Variants in ASTN2 observed in about 807,000 individuals in gnomAD.
The protein encoded by ASTN2 is astrotactin 2, also known as astrotactin-2.
ASTN2 carries 54 observed loss-of-function variants against 139.8 expected under a neutral mutation model. The ratio of observed to expected loss-of-function variants is 0.39; its 90% CI spans 0.31 to 0.48. The LOEUF (loss-of-function observed/expected upper bound fraction) is 0.48. ASTN2 is among the 20% of genes least tolerant of loss of function. The probability of loss-of-function intolerance (pLI) is 0.95; values close to 1 mark genes in which losing one functional copy is unlikely to be tolerated. For synonymous variants in ASTN2, 756 were observed against 719.5 expected, an observed-to-expected ratio of 1.05 and a Z score of -0.81; for missense variants, 1,565 against 1,725.1, an observed-to-expected ratio of 0.91 and a Z score of 1.64.
chr9:117,214,538 C>G lies in ASTN2; in HGVS notation c.835G>C (p.Val279Leu). Reference sequence around the variant, plus strand: ...GTCTCCCGGATGGGCACGCCAATGACGGAATTGTGGGTTTGCAGCCGGGAT... The same window carrying G: ...GTCTCCCGGATGGGCACGCCAATGAGGGAATTGTGGGTTTGCAGCCGGGAT... Reference protein sequence around the residue: ...RSSRLQTHNSVIGVPIRETPI... With the variant: ...RSSRLQTHNSLIGVPIRETPI... Residue 279 changes from valine to leucine, a missense_variant, in exon 3 of 23, where the codon GTC becomes CTC. Val to Leu is a conservative substitution (Grantham distance 32, BLOSUM62 1). Coordinates refer to ENST00000313400, the MANE Select transcript of ASTN2 (RefSeq NM_001365068.1). The G allele has an allele frequency of 1.2e-6, 2 of 1,613,742 alleles. No individual in the cohort carries two copies. The highest frequency in any genetic ancestry group is 1.7e-6 in the Non-Finnish European group (2 of 1,179,634).
intron 2 of ASTN2, among the ~76,000 whole-genome samples, chr9:117,284,296 G>T (rs966464382): frequency 9.2e-5 from 14 of 152,048 alleles, no homozygotes; most frequent in African/African-American, 3.4e-4. Flanking sequence ...CTATAGACAG[G>T]GTTTCACCAT....
rs773911535 is a variant in ASTN2 at position 116,698,270 on chromosome 9, C to CTGT, written c.2806+27500_2806+27501insACA. 6.2e-7 allele frequency: 1 copy of CTGT among 1,614,070 alleles called. No homozygotes were observed. Among genetic ancestry groups the CTGT allele is most frequent in the Admixed American group, 1.7e-5 (1 of 60,018 alleles). ...CAGCCTTGGAAGGTGTCTCCAAGGA[C>CTGT]CTTCAGGCAAGGTATAAAGCAGTTC... is the stretch of plus-strand genomic sequence containing the variant. On this transcript the variant is annotated intron_variant, in intron 16 of 22. Transcript: ENST00000313400. The surrounding 1 kb of genome is among the most constrained non-coding windows in gnomAD (Gnocchi z 4.4).
intron 16 of ASTN2, among the ~76,000 whole-genome samples, chr9:116,707,564 G>A (rs1828026158): frequency 6.6e-6 from 1 of 151,344 alleles, no homozygotes; most frequent in Non-Finnish European, 1.5e-5. Flanking sequence ...GCCACCAAAA[G>A]GAAAATAAAA....
chr9:116,923,917 T>A (rs574287921), intron 10 of ASTN2, among the ~76,000 whole-genome samples: 32 of 152,258 alleles, frequency 2.1e-4, no homozygotes, highest in Admixed American at 2.0e-3. Context: ...TAGATCTGTC[T>A]CTCCAGAAGC....
chr9:116,690,062 G>C (rs896882217), intron 16 of ASTN2, among the ~76,000 whole-genome samples: 2 of 152,176 alleles, frequency 1.3e-5, no homozygotes. Flanking sequence ...GTGTCTGACA[G>C]CAAGACTTAG....
chr9:116,964,216 G>GGGGTGTGTGT (rs1361325702), intron 10 of ASTN2, among the ~76,000 whole-genome samples: 7 of 140,708 alleles, frequency 5.0e-5, no homozygotes, highest in East Asian at 2.1e-4. Flanking sequence ...ACTGCCCTGG[G>GGGGTGTGTGT]GTGTGTGTGT....
At chr9:116,686,595 G>A in intron 16 of ASTN2, 2 of 1,198,496 alleles carry the variant, frequency 1.7e-6, no homozygotes, top group Non-Finnish European at 2.4e-6. Context: ...GATGCCTAGT[G>A]CCCCAGATTC....
chr9:116,456,703 A>G (rs1224263469), intron 20 of ASTN2, among the ~76,000 whole-genome samples: 1 of 152,210 alleles, frequency 6.6e-6, no homozygotes, highest in Non-Finnish European at 1.5e-5. Context: ...CTTATTCACT[A>G]TCATGAGAAC....
chr9:116,507,860 T>C (rs1850177597), intron 19 of ASTN2, among the ~76,000 whole-genome samples: 1 of 152,148 alleles, frequency 6.6e-6, no homozygotes, highest in African/African-American at 2.4e-5. Context: ...TGGGCAAGTT[T>C]CACAACTTTC....
intron 10 of ASTN2, 124 bp downstream of exon 10, chr9:116,975,084 G>T: frequency 2.0e-6 from 2 of 992,176 alleles, no homozygotes; most frequent in Non-Finnish European, 2.8e-6. Context: ...TGGCATATTT[G>T]ACAGTGTTCT....
intron 3 of ASTN2, among the ~76,000 whole-genome samples, chr9:117,200,883 A>G (rs1157511248): frequency 6.6e-6 from 1 of 151,564 alleles, no homozygotes; most frequent in East Asian, 1.9e-4. Context: ...TCATAAAATG[A>G]GTTAGGAAGG....
In ASTN2 at chr9:116,925,752, A is replaced by C. The variant is rs1445164628; in HGVS notation, c.1889+49456T>G. ...TGTAGGCTGTGATTAATAATTTAAAAAATTATTAAGAAAGATCAAGCTTCC... is the reference window on the plus strand; with the variant it reads ...TGTAGGCTGTGATTAATAATTTAAACAATTATTAAGAAAGATCAAGCTTCC... On this transcript the variant is annotated intron_variant, in intron 10 of 22. Transcript: ENST00000313400. Among the ~76,000 whole-genome samples the C allele has an allele frequency of 2.0e-5, 3 of 152,158 alleles. No homozygotes were observed. In the East Asian group the frequency reaches 5.8e-4, roughly 29 times the overall value.
chr9:116,532,336 C>T (rs1010513204), intron 19 of ASTN2, among the ~76,000 whole-genome samples: 3 of 152,134 alleles, frequency 2.0e-5, no homozygotes, highest in African/African-American at 7.2e-5. Flanking sequence ...ATGGTATTTC[C>T]TTTTGCTGTG....
At chr9:116,445,651 G>C (rs1030999510) in intron 20 of ASTN2, among the ~76,000 whole-genome samples, 5 of 152,140 alleles carry the variant, frequency 3.3e-5, no homozygotes, top group African/African-American at 1.2e-4. Context: ...TAGAATCCTT[G>C]CTTTCTCCAA....
intron 19 of ASTN2, among the ~76,000 whole-genome samples, chr9:116,572,176 G>A (rs950866306): frequency 2.6e-5 from 4 of 151,988 alleles, no homozygotes; most frequent in African/African-American, 9.7e-5. Context: ...CCTCCCCTTC[G>A]GGTGCCCCAG....
At chr9:116,460,693 A>C (rs1203375308) in intron 20 of ASTN2, among the ~76,000 whole-genome samples, 1 of 152,164 alleles carries the variant, frequency 6.6e-6, no homozygotes, top group Admixed American at 6.6e-5. Flanking sequence ...TGCAGAGTTT[A>C]GGGTCATGGA....
chr9:116,836,772 C>T (rs1832009147), intron 11 of ASTN2, among the ~76,000 whole-genome samples: 2 of 151,994 alleles, frequency 1.3e-5, no homozygotes, highest in South Asian at 2.1e-4. Context: ...CAGTCTTATG[C>T]TTGTTTTATA....
intron 16 of ASTN2, among the ~76,000 whole-genome samples, chr9:116,692,941 G>A (rs1401089386): frequency 6.6e-6 from 1 of 152,036 alleles, no homozygotes. Flanking sequence ...AAGACAAGTT[G>A]TAAATTCATT....
At chr9:116,535,495 G>A (rs545541096) in intron 19 of ASTN2, among the ~76,000 whole-genome samples, 6 of 152,190 alleles carry the variant, frequency 3.9e-5, no homozygotes, top group South Asian at 4.2e-4. Context: ...TGCTGGTACC[G>A]GTTGTTCCTT....
Sources: allele counts gnomAD v4.1 joint callset (sites outside exome capture counted in the v4.1 genomes callset), GRCh38; gene constraint gnomAD v4.1.1; non-coding constraint Gnocchi (gnomAD v3.1); transcripts MANE v1.5; gene names NCBI Gene and HGNC (gene_info 2026-07-23, HGNC 2026-07-21).